The following SNAP25 variants were observed in gnomAD, a reference collection of about 807,000 sequenced individuals.
SNAP25 encodes synaptosomal-associated protein 25.
A neutral mutation model predicts 28.7 loss-of-function variants in SNAP25; 3 were observed. The ratio of observed to expected loss-of-function variants is 0.10; its 90% CI spans 0.05 to 0.27. The LOEUF is 0.27. Ranked by LOEUF, SNAP25 falls within the 10% of genes least tolerant of loss-of-function variation. The pLI, the probability that SNAP25 is intolerant of heterozygous loss-of-function variation, is 1.00. For missense variants in SNAP25, 117 were observed against 278.7 expected (o/e 0.42, Z 4.13); for synonymous variants, 61 against 88.1 (o/e 0.69, Z 1.72).
chr20:10,271,578 G>A (rs1348145819), intron 1 of SNAP25, among the ~76,000 whole-genome samples: 6 of 152,198 alleles, frequency 3.9e-5, no homozygotes, highest in Non-Finnish European at 7.3e-5. Context: ...CTCCGCCATC[G>A]CACCAGCTGC....
intron 1 of SNAP25, among the ~76,000 whole-genome samples, chr20:10,271,918 C>G (rs1038440123): frequency 5.8e-4 from 88 of 152,276 alleles, no homozygotes; most frequent in African/African-American, 2.1e-3. Flanking sequence ...CATTTCCCCC[C>G]CAGGAACCCA....
chr20:10,305,091 G>A (rs1217080580), intron 7 of SNAP25, among the ~76,000 whole-genome samples: 1 of 152,106 alleles, frequency 6.6e-6, no homozygotes, highest in East Asian at 1.9e-4. Context: ...TTTTATGATA[G>A]TAAATAATAG....
chr20:10,286,364 G>C (rs1286675522), intron 4 of SNAP25, among the ~76,000 whole-genome samples: 1 of 152,156 alleles, frequency 6.6e-6, no homozygotes, highest in Non-Finnish European at 1.5e-5. Flanking sequence ...GTCTGTGATA[G>C]GTCAAGGGGA....
At chr20:10,274,501 T>C (rs1388690904) in intron 1 of SNAP25, among the ~76,000 whole-genome samples, 3 of 152,248 alleles carry the variant, frequency 2.0e-5, no homozygotes, top group Non-Finnish European at 4.4e-5. Flanking sequence ...CACTATGTGA[T>C]TTTTATTTAT....
chr20:10,245,252 C>T (rs1006365535), intron 1 of SNAP25, among the ~76,000 whole-genome samples: 1 of 152,182 alleles, frequency 6.6e-6, no homozygotes, highest in Admixed American at 6.5e-5. Flanking sequence ...TGTCTATATC[C>T]TGCTCTCTCA....
intron 4 of SNAP25, among the ~76,000 whole-genome samples, chr20:10,292,565 G>GC (rs1555794200): frequency 4.0e-5 from 6 of 151,362 alleles, no homozygotes; most frequent in African/African-American, 1.2e-4. Flanking sequence ...CTAACACCCT[G>GC]TTTTTTTTTC....
At chr20:10,228,419 C>T (rs1373330960) in intron 1 of SNAP25, among the ~76,000 whole-genome samples, 1 of 152,102 alleles carries the variant, frequency 6.6e-6, no homozygotes. Flanking sequence ...ACAGAAAGCA[C>T]ACTGCTGATA....
intron 1 of SNAP25, among the ~76,000 whole-genome samples, chr20:10,240,718 G>T (rs556325786): frequency 1.3e-5 from 2 of 152,188 alleles, no homozygotes; most frequent in Non-Finnish European, 2.9e-5. Flanking sequence ...CTGGGTAATT[G>T]TGATGTTTGC....
intron 1 of SNAP25, among the ~76,000 whole-genome samples, chr20:10,266,989 C>A (rs1336925671): frequency 6.6e-6 from 1 of 152,056 alleles, no homozygotes; most frequent in African/African-American, 2.4e-5. Flanking sequence ...ATATTCACAG[C>A]CATTGGCCAT....
chr20:10,301,522 C>T lies in SNAP25; in HGVS notation c.552+2110C>T, dbSNP rs368465082. ...TGCACAATTATTAATAGATTTCCAC[C>T]TTCTCATTGAAGTTCTCATTTCTGA... On this transcript the variant is annotated intron_variant, in intron 7 of 7. Coordinates refer to ENST00000254976, the MANE Select transcript of SNAP25 (RefSeq NM_130811.4). Among the ~76,000 whole-genome samples, 28 of 152,198 alleles carry T rather than the reference C, an allele frequency of 1.8e-4. No homozygotes were observed. The East Asian group carries it at 2.7e-3, about 15-fold the overall frequency.
intron 6 of SNAP25, among the ~76,000 whole-genome samples, chr20:10,298,453 T>C (rs1412433084): frequency 6.6e-6 from 1 of 152,168 alleles, no homozygotes; most frequent in African/African-American, 2.4e-5. Flanking sequence ...CCATATATAC[T>C]AGGGAAATTC....
intron 1 of SNAP25, among the ~76,000 whole-genome samples, chr20:10,261,111 C>T (rs528216905): frequency 6.6e-6 from 1 of 152,204 alleles, no homozygotes; most frequent in Admixed American, 6.5e-5. Context: ...AGTATCTATT[C>T]CTTGCAGTAA....
intron 4 of SNAP25, among the ~76,000 whole-genome samples, chr20:10,290,673 C>T (rs2063977835): frequency 6.6e-6 from 1 of 151,916 alleles, no homozygotes; most frequent in African/African-American, 2.4e-5. Context: ...TATCAACTCG[C>T]TTTGTAACTT....
chr20:10,263,289 G>C (rs2063452063), intron 1 of SNAP25, among the ~76,000 whole-genome samples: 1 of 151,278 alleles, frequency 6.6e-6, no homozygotes, highest in Non-Finnish European at 1.5e-5. Context: ...AAAGTGCTGG[G>C]ATTACAGGCG....
At chr20:10,300,360 T>G (rs924948155) in intron 7 of SNAP25, among the ~76,000 whole-genome samples, 1 of 152,218 alleles carries the variant, frequency 6.6e-6, no homozygotes, top group African/African-American at 2.4e-5. Context: ...GAATATTGAT[T>G]ACAAACTCTT....
chr20:10,256,102 G>A (rs957863531), intron 1 of SNAP25, among the ~76,000 whole-genome samples: 4 of 152,204 alleles, frequency 2.6e-5, no homozygotes, highest in Admixed American at 1.3e-4. Flanking sequence ...GCTTTGGGTT[G>A]TTTTTCAACA....
At chr20:10,276,403 G>A (rs2063692549) in intron 2 of SNAP25, among the ~76,000 whole-genome samples, 1 of 152,192 alleles carries the variant, frequency 6.6e-6, no homozygotes, top group Non-Finnish European at 1.5e-5. Context: ...ACTTTAAAAA[G>A]TAGAGAAAAT....
intron 3 of SNAP25, among the ~76,000 whole-genome samples, chr20:10,284,291 A>G (rs575419958): frequency 8.5e-5 from 13 of 152,266 alleles, no homozygotes; most frequent in African/African-American, 2.9e-4. Flanking sequence ...TCCCTCCCCA[A>G]TTTCACTGAT....
intron 1 of SNAP25, among the ~76,000 whole-genome samples, chr20:10,250,474 G>A (rs770935614): frequency 5.9e-5 from 9 of 152,152 alleles, no homozygotes; most frequent in Non-Finnish European, 1.3e-4. Flanking sequence ...ATGATCACAA[G>A]TGGTCTCCAA....
Sources: allele counts gnomAD v4.1 joint callset (sites outside exome capture counted in the v4.1 genomes callset), GRCh38; gene constraint gnomAD v4.1.1; transcripts MANE v1.5; gene names NCBI Gene and HGNC (gene_info 2026-07-23, HGNC 2026-07-21).